Variants in DSP observed in about 807,000 individuals in gnomAD.
The protein encoded by DSP is desmoplakin, also known as 250/210 kDa paraneoplastic pemphigus antigen.
A neutral mutation model predicts 290.6 loss-of-function variants in DSP; 114 were observed. The observed-to-expected ratio is 0.39, with a 90% CI of 0.34 to 0.46. The LOEUF (loss-of-function observed/expected upper bound fraction) is 0.46. Among genes scored for constraint, DSP ranks in the 20% least tolerant of loss-of-function variants. The probability of loss-of-function intolerance (pLI) is 0.99; values close to 1 mark genes in which losing one functional copy is unlikely to be tolerated. For missense variants in DSP, 3,230 were observed against 3,495.8 expected (o/e 0.92, Z 1.92); for synonymous variants, 1,311 against 1,316.4 (o/e 1.00, Z 0.09).
chr6:7,567,858 C>G lies in DSP; in HGVS notation c.1218C>G (p.Asp406Glu). The G allele has an allele frequency of 6.2e-7, 1 of 1,614,068 alleles. No individual in the cohort carries two copies. Among genetic ancestry groups the G allele is most frequent in the African/African-American group, 1.3e-5 (1 of 75,026 alleles). Residue 406 changes from aspartate (D) to glutamate (E), a missense_variant, in exon 10 of 24, where the codon GAC (aspartate) becomes GAG (glutamate). Transcript: ENST00000379802. ...QDSIRKKYPC[D>E]KNMPLQHLLE... is the part of the protein sequence containing the mutation. ...CCATCAGGAAGAAGTACCCCTGCGA[C>G]AAGAACATGCCCCTGCAGCACCTGC...
At chr6:7,552,659 GT>G (rs762045971) in intron 1 of DSP, among the ~76,000 whole-genome samples, 1 of 127,858 alleles carries the variant, frequency 7.8e-6, no homozygotes, top group Non-Finnish European at 1.7e-5. Context: ...AAAGTTACCT[GT>G]TGTTTTTTTT....
At position 7,559,220 on chromosome 6, in the gene DSP, T is replaced by G. The variant is rs745591134; in HGVS notation, c.423-6T>G. 3.7e-6 allele frequency: 6 copies of G among 1,613,892 alleles called. No individual in the cohort carries two copies. Among genetic ancestry groups the G allele is most frequent in the Non-Finnish European group, 5.1e-6 (6 of 1,179,994 alleles). ...TGCAGTGGTTTAAAGGTTTTTTTCTTTGCAGGCTTCTTCAGCTCCAAGAGC... is the reference window on the plus strand; with the variant it reads ...TGCAGTGGTTTAAAGGTTTTTTTCTGTGCAGGCTTCTTCAGCTCCAAGAGC... On this transcript the variant is annotated splice_region_variant and splice_polypyrimidine_tract_variant and intron_variant, in intron 3 of 23. Coordinates refer to ENST00000379802, the MANE Select transcript of DSP (RefSeq NM_004415.4).
chr6:7,580,647 T>TA lies in DSP; in HGVS notation c.4461dup (p.Gln1488ThrfsTer9). On this transcript the variant is annotated frameshift_variant, in exon 23 of 24. Transcript: ENST00000379802. LOFTEE classifies it high-confidence loss of function. This position sits in a 1 kb window ranked among gnomAD's most constrained non-coding sequence, Gnocchi z 4.2. ...GATAAAAACAAGGAGATAGAAAGGT[T>TA]AAAACAACTGATCGACAAAGAAACA... 6.2e-7 allele frequency: 1 copy of TA among 1,613,962 alleles called. No individual in the cohort carries two copies. The highest frequency in any genetic ancestry group is 8.5e-7 in the Non-Finnish European group (1 of 1,180,002).
At position 7,582,589 on chromosome 6, in the gene DSP, A is replaced by G; in HGVS notation, c.5380-53A>G. ...AAGAAAGTTAAGTCGTGATAGTAAT[A>G]TGATATGATTCAAAACATTATTTTT... is the stretch of plus-strand genomic sequence containing the variant. On this transcript the variant is annotated intron_variant, in intron 23 of 23. Coordinates refer to ENST00000379802, the MANE Select transcript of DSP (RefSeq NM_004415.4). This position sits in a 1 kb window ranked among gnomAD's most constrained non-coding sequence, Gnocchi z 4.2. 1 of 1,456,112 alleles carries G rather than the reference A, an allele frequency of 6.9e-7. No individual in the cohort carries two copies. The highest frequency in any genetic ancestry group is 9.6e-7 in the Non-Finnish European group (1 of 1,038,878). 90.2% of individuals were successfully genotyped at this position (1,456,112 alleles called of 1,614,324 possible).
rs1759263896 is a variant in DSP at position 7,577,051 on chromosome 6, G to T, written c.2877+9G>T. The T allele has an allele frequency of 3.8e-6, 6 of 1,598,058 alleles. No individual in the cohort carries two copies. The African/African-American group carries it at 6.7e-5, about 18-fold the overall frequency. On this transcript the variant is annotated intron_variant, in intron 20 of 23. Coordinates refer to ENST00000379802, the MANE Select transcript of DSP (RefSeq NM_004415.4). Reference sequence around the variant, plus strand: ...GCGCCAATTCAATTAAGGTATGTTGGTTTCATAAAGAATGTTGGTATTTCA... The same window carrying T: ...GCGCCAATTCAATTAAGGTATGTTGTTTTCATAAAGAATGTTGGTATTTCA...
rs763921000 is a variant in DSP at position 7,583,238 on chromosome 6, C to A, written c.5976C>A (p.Asp1992Glu). 4 of 1,614,120 alleles carry A rather than the reference C, an allele frequency of 2.5e-6. No homozygotes were observed. The South Asian group carries it at 4.4e-5, about 18-fold the overall frequency. Residue 1992 changes from aspartate to glutamate, a missense_variant, in exon 24 of 24, where the codon GAC becomes GAA. Asp to Glu is a conservative substitution (Grantham distance 45, BLOSUM62 2). Coordinates refer to ENST00000379802, the MANE Select transcript of DSP (RefSeq NM_004415.4). This position sits in a 1 kb window ranked among gnomAD's most constrained non-coding sequence, Gnocchi z 4.0. The part of the protein sequence containing the change: ...ECQLIDKTTL[D>E]KLLKGKKSVE... ...AGCTGATCGACAAAACAACCTTGGA[C>A]AAACTATTGAAGGGGAAGAAGTCAG...
intron 10 of DSP, 34 bp from the exon 11 acceptor site, chr6:7,568,403 C>A: frequency 6.2e-7 from 1 of 1,612,252 alleles, no homozygotes; most frequent in Non-Finnish European, 8.5e-7. Context: ...CACAGGGTAT[C>A]TATGTTTAAG....
intron 8 of DSP, among the ~76,000 whole-genome samples, chr6:7,567,072 A>G (rs1758885260): frequency 6.6e-6 from 1 of 152,180 alleles, no homozygotes; most frequent in East Asian, 1.9e-4. Context: ...AGCCCCAGTG[A>G]CAGTTCTGAT....
Position 7,568,571 on chromosome 6 carries a change from T to C in DSP, c.1401T>C (p.Cys467=). 10 of 1,614,026 alleles carry C rather than the reference T, an allele frequency of 6.2e-6. No homozygotes were observed. The highest frequency in any genetic ancestry group is 8.5e-6 in the Non-Finnish European group (10 of 1,180,024). Residue 467 remains cysteine (C), a synonymous_variant, in exon 11 of 24, where the codon TGT becomes TGC. Coordinates refer to ENST00000379802, the MANE Select transcript of DSP (RefSeq NM_004415.4). ...SNKPIILRAL[C]DYKQDQKIVH... Reference sequence around the variant, plus strand: ...AACCCATTATTCTCAGAGCTCTCTGTGACTACAAACAAGATCAGGTGTGTA... The same window carrying C: ...AACCCATTATTCTCAGAGCTCTCTGCGACTACAAACAAGATCAGGTGTGTA...
chr6:7,543,568 C>G (rs1364642539), intron 1 of DSP, among the ~76,000 whole-genome samples: 1 of 152,056 alleles, frequency 6.6e-6, no homozygotes, highest in Non-Finnish European at 1.5e-5. Context: ...CCATTTAAAT[C>G]TGAAATTTAA....
intron 2 of DSP, among the ~76,000 whole-genome samples, chr6:7,557,289 G>T (rs1382745560): frequency 1.3e-5 from 2 of 152,186 alleles, no homozygotes; most frequent in East Asian, 3.8e-4. Context: ...ACCCAGCTTC[G>T]CCCAGTAGTG....
In DSP at chr6:7,583,096, G is replaced by T; in HGVS notation, c.5834G>T (p.Arg1945Leu). ...AGGGAGATTGATAAACTCAGACAGCGCCCATATGGGTCCCATCGAGAGACC... is the reference window on the plus strand; with the variant it reads ...AGGGAGATTGATAAACTCAGACAGCTCCCATATGGGTCCCATCGAGAGACC... ...YQREIDKLRQ[R>L]PYGSHRETQT... The change falls in exon 24 of 24, where the codon CGC becomes CTC. Residue 1945 changes from arginine to leucine, a missense_variant. By Grantham distance (102) the Arg-to-Leu change is moderately radical. This residue lies in a region of DSP where 1,714 missense variants were observed against 1,844.5 expected (regional missense o/e 0.93). Coordinates refer to ENST00000379802, the MANE Select transcript of DSP (RefSeq NM_004415.4). This position sits in a 1 kb window ranked among gnomAD's most constrained non-coding sequence, Gnocchi z 4.0. 1 of 1,614,046 alleles carries T rather than the reference G, an allele frequency of 6.2e-7. No individual in the cohort carries two copies. The highest frequency in any genetic ancestry group is 2.2e-5 in the East Asian group (1 of 44,880).
intron 1 of DSP, among the ~76,000 whole-genome samples, chr6:7,548,002 G>A (rs1329803337): frequency 6.6e-6 from 1 of 152,136 alleles, no homozygotes; most frequent in Non-Finnish European, 1.5e-5. Context: ...GGGCGCGGTG[G>A]CTCACGCCTG....
At chr6:7,542,721 G>C (rs897527998) in intron 1 of DSP, among the ~76,000 whole-genome samples, 56 of 152,336 alleles carry the variant, frequency 3.7e-4, no homozygotes, top group African/African-American at 1.3e-3. Context: ...TCCCCGCCGG[G>C]GCGGCTGCCG....
rs568276930 is a variant in DSP, at chr6:7,559,713, T to A, written c.597+313T>A. ...GTTCTTATATTGACCACCGGAAAGA[T>A]CTGTTGTGGGAGTTTATGTGCTAAA... is the stretch of plus-strand genomic sequence containing the variant. On this transcript the variant is annotated intron_variant, in intron 4 of 23. Transcript: ENST00000379802. Among the ~76,000 whole-genome samples the A allele has an allele frequency of 2.5e-3, 386 of 152,342 alleles. 4 individuals carry two copies. The highest frequency in any genetic ancestry group is 9.1e-3 in the African/African-American group (377 of 41,566).
chr6:7,584,308 C>G lies in DSP; in HGVS notation c.7046C>G (p.Ser2349Cys), dbSNP rs769930190. 1 of 1,614,186 alleles carries G rather than the reference C, an allele frequency of 6.2e-7. No homozygotes were observed. The highest frequency in any genetic ancestry group is 2.2e-5 in the East Asian group (1 of 44,882). The change falls in exon 24 of 24, where the codon TCT becomes TGT. Residue 2349 changes from serine to cysteine, a missense_variant. By Grantham distance (112) the Ser-to-Cys change is moderately radical. Around this residue, in one of 5 missense-constraint regions of DSP, gnomAD observed 207 missense variants for 281.2 expected, o/e 0.74. Coordinates refer to ENST00000379802, the MANE Select transcript of DSP (RefSeq NM_004415.4). The surrounding 1 kb of genome is among the most constrained non-coding windows in gnomAD (Gnocchi z 6.4). ...YNDPETGNIISLFQAMNKELI... is the reference protein window; with the variant it reads ...YNDPETGNIICLFQAMNKELI... ...GATCCTGAAACAGGAAACATCATCT[C>G]TTTGTTCCAAGCCATGAATAAGGAA...
Position 7,556,163 on chromosome 6 carries a change from G to T in DSP, c.273+343G>T, listed in dbSNP as rs946826026. On this transcript the variant is annotated intron_variant, in intron 2 of 23. Coordinates refer to ENST00000379802, the MANE Select transcript of DSP (RefSeq NM_004415.4). ...GCAACCTGGCATGTTTCTGTTCCTG[G>T]GTTGGGATGGATCTTCATGTGCACC... is the stretch of plus-strand genomic sequence containing the variant. Among the ~76,000 whole-genome samples, 5 of 152,014 alleles carry T rather than the reference G, an allele frequency of 3.3e-5. No individual in the cohort carries two copies. In the South Asian group the frequency reaches 1.0e-3, roughly 32 times the overall value.
chr6:7,571,070 G>A (rs536223304), intron 13 of DSP, among the ~76,000 whole-genome samples: 40 of 151,932 alleles, frequency 2.6e-4, no homozygotes, highest in African/African-American at 8.9e-4. Context: ...ACCTTTTGGG[G>A]TCCCCCGAGC....
intron 2 of DSP, 86 bp downstream of exon 2, chr6:7,555,906 A>G (rs1447558365): frequency 2.5e-6 from 3 of 1,179,698 alleles, no homozygotes; most frequent in East Asian, 5.0e-5. Flanking sequence ...GCCGGGGCCT[A>G]TTCACTGACC....
Sources: gnomAD v4.1 joint callset for allele counts (sites outside exome capture counted in the v4.1 genomes callset) on GRCh38, gnomAD v4.1.1 for gene constraint, gnomAD v4.1.1 regional missense constraint, Gnocchi (gnomAD v3.1) non-coding constraint, MANE v1.5 for transcripts, NCBI Gene and HGNC (gene_info 2026-07-23, HGNC 2026-07-21) for gene names.